The following C1QTNF2 variants were observed in gnomAD, a reference collection of about 807,000 sequenced individuals.
C1QTNF2 encodes C1q and TNF related 2.
C1QTNF2 carries 15 observed loss-of-function variants against 17.4 expected under a neutral mutation model. The ratio of observed to expected loss-of-function variants is 0.86; its 90% CI spans 0.58 to 1.33. C1QTNF2 has a LOEUF of 1.33. Among genes scored for constraint, C1QTNF2 ranks in the 40% most tolerant of loss-of-function variants. The pLI, the probability that C1QTNF2 is intolerant of heterozygous loss-of-function variation, is 0.00. For synonymous variants in C1QTNF2, 154 were observed against 163.3 expected (o/e 0.94, Z 0.44); for missense variants, 381 against 392.3 (o/e 0.97, Z 0.24).
At chr5:160,351,404 A>G (rs1763919825) in intron 2 of C1QTNF2, among the ~76,000 whole-genome samples, 1 of 152,250 alleles carries the variant, frequency 6.6e-6, no homozygotes, top group South Asian at 2.1e-4. Context: ...TTACATCCTA[A>G]CAAGTTACTT....
chr5:160,349,383 T>C lies in C1QTNF2; in HGVS notation c.643A>G (p.Asn215Asp), dbSNP rs1763864309. Residue 215 changes from asparagine (N) to aspartate (D), a missense_variant, in exon 3 of 3, where the codon AAC becomes GAC. Physicochemically the swap from Asn to Asp is conservative, Grantham distance 23. Coordinates refer to ENST00000652664, the MANE Select transcript of C1QTNF2 (RefSeq NM_031908.6). This position sits in a 1 kb window ranked among gnomAD's most constrained non-coding sequence, Gnocchi z 4.3. The part of the protein sequence containing the change: ...NKHLAIGLVH[N>D]GQYRIRTFDA... ...AAGGTCCGGATGCGGTACTGGCCGT[T>C]GTGCACCAGGCCGATGGCCAGGTGC... The C allele has an allele frequency of 6.2e-7, 1 of 1,613,934 alleles. No individual in the cohort carries two copies. The highest frequency in any genetic ancestry group is 8.5e-7 in the Non-Finnish European group (1 of 1,180,028).
intron 1 of C1QTNF2, among the ~76,000 whole-genome samples, chr5:160,357,154 C>T (rs1764066491): frequency 6.6e-6 from 1 of 152,192 alleles, no homozygotes; most frequent in Admixed American, 6.5e-5. Flanking sequence ...CTCCCTTCAA[C>T]TTGGAAACAG....
intron 1 of C1QTNF2, among the ~76,000 whole-genome samples, chr5:160,368,933 C>T (rs1410848823): frequency 6.6e-6 from 1 of 152,108 alleles, no homozygotes; most frequent in East Asian, 1.9e-4. Flanking sequence ...CATACAATGA[C>T]ACACTATGCC....
Position 160,349,715 on chromosome 5 carries a change from C to T in C1QTNF2, c.311G>A (p.Arg104Gln), listed in dbSNP as rs574531661. 827 of 1,574,884 alleles carry T rather than the reference C, an allele frequency of 5.3e-4. 5 individuals carry two copies. In the South Asian group the frequency reaches 9.1e-3, roughly 17 times the overall value. Residue 104 changes from arginine to glutamine, a missense_variant, in exon 3 of 3, where the codon CGG (arginine) becomes CAG (glutamine). Transcript: ENST00000652664. This position sits in a 1 kb window ranked among gnomAD's most constrained non-coding sequence, Gnocchi z 4.3. ...GPKGKAGAIG[R>Q]AGPRGPKGVN... ...CCCCTTGGGGCCACGGGGGCCAGCC[C>T]GCCCAATGGCCCCGGCTTTGCCCTT... is the stretch of plus-strand genomic sequence containing the variant.
In C1QTNF2 at chr5:160,359,386, T is replaced by C. The variant is rs558376268; in HGVS notation, c.-9-4366A>G. Among the ~76,000 whole-genome samples, 5 of 152,312 alleles carry C rather than the reference T, an allele frequency of 3.3e-5. No homozygotes were observed. In the East Asian group the frequency reaches 5.8e-4, roughly 18 times the overall value. ...AAGTAGTTAGTGGCAGAAGTTATATTTGAACTTGGGTTTGGCTGATCCTAG... is the reference window on the plus strand; with the variant it reads ...AAGTAGTTAGTGGCAGAAGTTATATCTGAACTTGGGTTTGGCTGATCCTAG... On this transcript the variant is annotated intron_variant, in intron 1 of 2. Coordinates refer to ENST00000652664, the MANE Select transcript of C1QTNF2 (RefSeq NM_031908.6).
intron 1 of C1QTNF2, among the ~76,000 whole-genome samples, chr5:160,365,415 A>T (rs1290167266): frequency 6.6e-6 from 1 of 152,128 alleles, no homozygotes; most frequent in South Asian, 2.1e-4. Flanking sequence ...GAGTAACCCT[A>T]AACTTCTGAT....
chr5:160,355,095 C>T, intron 1 of C1QTNF2, 75 bp from the exon 2 acceptor site: 2 of 1,449,364 alleles, frequency 1.4e-6, no homozygotes. Context: ...AGGGGATGCA[C>T]AGGAGGAGGC....
In C1QTNF2 at chr5:160,349,490, T is replaced by G. The variant is rs568074554; in HGVS notation, c.536A>C (p.His179Pro). 3.7e-6 allele frequency: 6 copies of G among 1,614,076 alleles called. No homozygotes were observed. In the South Asian group the frequency reaches 6.6e-5, roughly 18 times the overall value. ...FDKILMNEGG[H>P]YNASSGKFVC... is the part of the protein sequence containing the mutation. Reference sequence around the variant, plus strand: ...GAACTTGCCGCTGGAAGCATTGTAGTGGCCACCCTCGTTCATCAGAATCTT... The same window carrying G: ...GAACTTGCCGCTGGAAGCATTGTAGGGGCCACCCTCGTTCATCAGAATCTT... The change falls in exon 3 of 3, where the codon CAC becomes CCC. Residue 179 changes from histidine (H) to proline (P), a missense_variant. Physicochemically the swap from His to Pro is moderately conservative, Grantham distance 77. Transcript: ENST00000652664. This position sits in a 1 kb window ranked among gnomAD's most constrained non-coding sequence, Gnocchi z 4.3.
At chr5:160,350,400 C>T (rs1050081733) in intron 2 of C1QTNF2, among the ~76,000 whole-genome samples, 4 of 152,078 alleles carry the variant, frequency 2.6e-5, no homozygotes, top group Admixed American at 1.3e-4. Context: ...GTGGCCAGAC[C>T]CTTTGTGTTA....
chr5:160,350,890 A>G (rs919033919), intron 2 of C1QTNF2, among the ~76,000 whole-genome samples: 1 of 151,982 alleles, frequency 6.6e-6, no homozygotes, highest in Non-Finnish European at 1.5e-5. Context: ...AGCTGGGACT[A>G]CAGGCACCTG....
chr5:160,354,953 C>T lies in C1QTNF2; in HGVS notation c.59G>A (p.Gly20Asp), dbSNP rs1317465001. ...ALPCAADPLL[G>D]AFARRDFRKG... Reference sequence around the variant, plus strand: ...CCGGAAGTCCCTGCGAGCAAAGGCGCCAAGCAGTGGGTCAGCAGCACAGGG... The same window carrying T: ...CCGGAAGTCCCTGCGAGCAAAGGCGTCAAGCAGTGGGTCAGCAGCACAGGG... The change falls in exon 2 of 3, where the codon GGC becomes GAC. Residue 20 changes from glycine (G) to aspartate (D), a missense_variant. Physicochemically the swap from Gly to Asp is moderately conservative, Grantham distance 94 (BLOSUM62 -1). Transcript: ENST00000652664. 1 of 1,594,518 alleles carries T rather than the reference C, an allele frequency of 6.3e-7. No individual in the cohort carries two copies. The highest frequency in any genetic ancestry group is 8.5e-7 in the Non-Finnish European group (1 of 1,171,288).
At position 160,349,403 on chromosome 5, in the gene C1QTNF2, AGG is replaced by A. The variant is rs1163545148; in HGVS notation, c.621_622del (p.Leu208GlyfsTer16). On this transcript the variant is annotated frameshift_variant, in exon 3 of 3. Transcript: ENST00000652664. LOFTEE classifies it high-confidence loss of function. This position sits in a 1 kb window ranked among gnomAD's most constrained non-coding sequence, Gnocchi z 4.3. Reference sequence around the variant, plus strand: ...GCCGTTGTGCACCAGGCCGATGGCCAGGTGCTTGTTGGCCAGCGTGATGTCGT... The same window carrying A: ...GCCGTTGTGCACCAGGCCGATGGCCATGCTTGTTGGCCAGCGTGATGTCGT... The A allele has an allele frequency of 6.2e-7, 1 of 1,614,034 alleles. No individual in the cohort carries two copies. The highest frequency in any genetic ancestry group is 8.5e-7 in the Non-Finnish European group (1 of 1,180,016).
intron 1 of C1QTNF2, among the ~76,000 whole-genome samples, chr5:160,368,875 T>A (rs952415466): frequency 1.3e-5 from 2 of 152,086 alleles, no homozygotes; most frequent in African/African-American, 4.8e-5. Context: ...GGAGACAGAG[T>A]GGCTTCAAAC....
In C1QTNF2 at chr5:160,349,731, C is replaced by A; in HGVS notation, c.295G>T (p.Ala99Ser). ...NRGKPGPKGK[A>S]GAIGRAGPRG... is the part of the protein sequence containing the mutation. ...GGGCCAGCCCGCCCAATGGCCCCGG[C>A]TTTGCCCTTTGGTCCTGGCTTTCCC... is the stretch of plus-strand genomic sequence containing the variant. The change falls in exon 3 of 3, where the codon GCC becomes TCC. Residue 99 changes from alanine (A) to serine (S), a missense_variant. Physicochemically the swap from Ala to Ser is moderately conservative, Grantham distance 99 (BLOSUM62 1). Coordinates refer to ENST00000652664, the MANE Select transcript of C1QTNF2 (RefSeq NM_031908.6). This position sits in a 1 kb window ranked among gnomAD's most constrained non-coding sequence, Gnocchi z 4.3. 6.4e-7 allele frequency: 1 copy of A among 1,553,204 alleles called. No individual in the cohort carries two copies. Among genetic ancestry groups the A allele is most frequent in the Non-Finnish European group, 8.6e-7 (1 of 1,158,108 alleles).
At chr5:160,360,623 C>A (rs1163324688) in intron 1 of C1QTNF2, among the ~76,000 whole-genome samples, 1 of 152,072 alleles carries the variant, frequency 6.6e-6, no homozygotes, top group East Asian at 1.9e-4. Flanking sequence ...AAGTATTAGT[C>A]CTTTCTCACC....
rs1231371228 is a variant in C1QTNF2 at position 160,349,390 on chromosome 5, CAGGCCGA to C, written c.629_635del (p.Ile210ArgfsTer63). The C allele has an allele frequency of 6.2e-7, 1 of 1,614,084 alleles. No homozygotes were observed. Among genetic ancestry groups the C allele is most frequent in the Non-Finnish European group, 8.5e-7 (1 of 1,180,042 alleles). On this transcript the variant is annotated frameshift_variant, in exon 3 of 3. Coordinates refer to ENST00000652664, the MANE Select transcript of C1QTNF2 (RefSeq NM_031908.6). LOFTEE classifies it high-confidence loss of function. This position sits in a 1 kb window ranked among gnomAD's most constrained non-coding sequence, Gnocchi z 4.3. ...GGATGCGGTACTGGCCGTTGTGCAC[CAGGCCGA>C]TGGCCAGGTGCTTGTTGGCCAGCGT...
At chr5:160,366,290 T>C (rs1160302597) in intron 1 of C1QTNF2, among the ~76,000 whole-genome samples, 3 of 152,198 alleles carry the variant, frequency 2.0e-5, no homozygotes, top group Non-Finnish European at 2.9e-5. Flanking sequence ...CTTGAGTAAT[T>C]TGACTGCTCA....
At chr5:160,358,134 G>T (rs1179998984) in intron 1 of C1QTNF2, among the ~76,000 whole-genome samples, 1 of 152,260 alleles carries the variant, frequency 6.6e-6, no homozygotes, top group Non-Finnish European at 1.5e-5. Context: ...CACACAGGGA[G>T]GAAGCGTTTT....
intron 1 of C1QTNF2, among the ~76,000 whole-genome samples, chr5:160,370,228 C>A (rs920647677): frequency 6.6e-6 from 1 of 152,174 alleles, no homozygotes; most frequent in African/African-American, 2.4e-5. Flanking sequence ...ACAAAGTAGG[C>A]GCTCAATAAA....
Sources: allele counts gnomAD v4.1 joint callset (sites outside exome capture counted in the v4.1 genomes callset), GRCh38; gene constraint gnomAD v4.1.1; non-coding constraint Gnocchi (gnomAD v3.1); transcripts MANE v1.5; gene names NCBI Gene and HGNC (gene_info 2026-07-23, HGNC 2026-07-21).